Variants in KDM1A observed in about 807,000 individuals in gnomAD.
KDM1A encodes lysine-specific histone demethylase 1A.
A neutral mutation model predicts 109.4 loss-of-function variants in KDM1A; 49 were observed. That is an observed-to-expected ratio of 0.45 (90% CI 0.36 to 0.57). The LOEUF (loss-of-function observed/expected upper bound fraction) is 0.57, where lower values mean the gene tolerates loss of function less well. KDM1A is among the 20% of genes least tolerant of loss of function. KDM1A has a pLI of 0.00. For missense variants in KDM1A, 668 were observed against 1,116.6 expected (o/e 0.60, Z 5.73); for synonymous variants, 380 against 415.4 (o/e 0.91, Z 1.04).
intron 2 of KDM1A, among the ~76,000 whole-genome samples, chr1:23,038,254 TTG>T (rs56016343): frequency 0.086 from 12,870 of 149,182 alleles, 859 homozygotes; most frequent in Admixed American, 0.18. Context: ...CTGGAACTGT[TTG>T]TGTGTGTGTG....
At chr1:23,045,521 G>C (rs1050200577) in intron 3 of KDM1A, among the ~76,000 whole-genome samples, 2 of 152,200 alleles carry the variant, frequency 1.3e-5, no homozygotes, top group African/African-American at 4.8e-5. Context: ...ACCCTGTTCA[G>C]AGTCTAGATC....
intron 8 of KDM1A, among the ~76,000 whole-genome samples, chr1:23,058,860 ATC>A (rs1202323839): frequency 6.6e-6 from 1 of 152,082 alleles, no homozygotes; most frequent in Non-Finnish European, 1.5e-5. Flanking sequence ...ATCTAGAAGA[ATC>A]TGTAATGTTA....
intron 2 of KDM1A, among the ~76,000 whole-genome samples, chr1:23,039,483 A>T (rs186945902): frequency 6.6e-6 from 1 of 152,344 alleles, no homozygotes; most frequent in East Asian, 1.9e-4. Flanking sequence ...TTTAACTAAA[A>T]TAGCATTTGT....
chr1:23,028,731 C>T (rs775497652), intron 1 of KDM1A, among the ~76,000 whole-genome samples: 3 of 151,970 alleles, frequency 2.0e-5, no homozygotes, highest in East Asian at 1.9e-4. Flanking sequence ...CATTTTCATC[C>T]ATTATCCTGA....
intron 2 of KDM1A, among the ~76,000 whole-genome samples, chr1:23,041,418 T>A (rs1332518492): frequency 2.7e-5 from 4 of 150,030 alleles, no homozygotes; most frequent in Non-Finnish European, 4.4e-5. Flanking sequence ...AATAATACTT[T>A]TGAGTTTCTT....
At chr1:23,075,015 C>T (rs888561815) in intron 15 of KDM1A, among the ~76,000 whole-genome samples, 7 of 152,160 alleles carry the variant, frequency 4.6e-5, no homozygotes, top group African/African-American at 1.7e-4. Context: ...TCAATTTCTA[C>T]AAAAATCACC....
At chr1:23,031,876 C>T (rs1301504298) in intron 2 of KDM1A, among the ~76,000 whole-genome samples, 1 of 152,136 alleles carries the variant, frequency 6.6e-6, no homozygotes, top group African/African-American at 2.4e-5. Flanking sequence ...TGGGCAACTC[C>T]TTGTTTGAAG....
chr1:23,032,434 G>A (rs1289843094), intron 2 of KDM1A, among the ~76,000 whole-genome samples: 2 of 151,724 alleles, frequency 1.3e-5, no homozygotes, highest in African/African-American at 4.8e-5. Context: ...AAGGATTTAG[G>A]ATTTGGGAGC....
intron 4 of KDM1A, among the ~76,000 whole-genome samples, chr1:23,051,110 G>A (rs1642656749): frequency 6.6e-6 from 1 of 151,982 alleles, no homozygotes; most frequent in African/African-American, 2.4e-5. Context: ...AAACCTTTAA[G>A]CATTAAAAAA....
intron 1 of KDM1A, among the ~76,000 whole-genome samples, chr1:23,020,818 G>A (rs937326159): frequency 6.6e-6 from 1 of 152,150 alleles, no homozygotes; most frequent in Non-Finnish European, 1.5e-5. Context: ...GATGGAAGTG[G>A]AATGTAATTC....
At chr1:23,078,949 A>G (rs761748643) in intron 16 of KDM1A, 41 bp from the exon 17 acceptor site, 54 of 1,543,174 alleles carry the variant, frequency 3.5e-5, no homozygotes, top group Non-Finnish European at 4.5e-5. Context: ...TATCAGTGCC[A>G]TATTCATCAC....
At chr1:23,078,134 G>A (rs1229275215) in intron 16 of KDM1A, among the ~76,000 whole-genome samples, 1 of 152,180 alleles carries the variant, frequency 6.6e-6, no homozygotes, top group African/African-American at 2.4e-5. Flanking sequence ...TTTCCTTGGA[G>A]TTACTGAGAT....
At chr1:23,049,735 T>G (rs554300824) in intron 3 of KDM1A, among the ~76,000 whole-genome samples, 1 of 152,026 alleles carries the variant, frequency 6.6e-6, no homozygotes, top group Non-Finnish European at 1.5e-5. Context: ...GTATAGTGTA[T>G]GTATACACTA....
chr1:23,077,420 G>A, intron 16 of KDM1A, 60 bp downstream of exon 16: 1 of 1,541,900 alleles, frequency 6.5e-7, no homozygotes, highest in Non-Finnish European at 8.8e-7. Context: ...CTGATCTTTT[G>A]TTAGGTGCGA....
rs142213859 is a variant in KDM1A at position 23,022,742 on chromosome 1, T to C, written c.351+2795T>C. On this transcript the variant is annotated intron_variant, in intron 1 of 20. Transcript: ENST00000400181. ...GATGTGATCTCGGCTTACTACAGCCTCCTCCTCCTGGGTTCAAGCGATTCT... is the reference window on the plus strand; with the variant it reads ...GATGTGATCTCGGCTTACTACAGCCCCCTCCTCCTGGGTTCAAGCGATTCT... Among the ~76,000 whole-genome samples the C allele has an allele frequency of 1.4e-3, 183 of 132,020 alleles. 1 individual carries two copies. Among genetic ancestry groups the C allele is most frequent in the African/African-American group, 4.9e-3 (171 of 34,748 alleles). The allele number at this position is 132,020 out of a possible 152,430, so 86.6% of individuals were successfully genotyped here.
In KDM1A at chr1:23,069,134, A is replaced by G; in HGVS notation, c.1396A>G (p.Lys466Glu). 1 of 1,599,740 alleles carries G rather than the reference A, an allele frequency of 6.3e-7. No individual in the cohort carries two copies. The highest frequency in any genetic ancestry group is 8.6e-7 in the Non-Finnish European group (1 of 1,168,542). ...GATAGTGAAAACTCAGGAAGAATTG[A>G]AAGAACTTCTTAATAAGGTGAAATT... ...KKIVKTQEEL[K>E]ELLNKMVNLK... is the part of the protein sequence containing the mutation. The change falls in exon 12 of 21, where the codon AAA becomes GAA. Residue 466 changes from lysine (K) to glutamate (E), a missense_variant. Physicochemically the swap from Lys to Glu is moderately conservative, Grantham distance 56 (BLOSUM62 1). This residue lies in a region of KDM1A where 62 missense variants were observed against 82.8 expected (regional missense o/e 0.75). Transcript: ENST00000400181.
chr1:23,077,721 A>G (rs1409624617), intron 16 of KDM1A, among the ~76,000 whole-genome samples: 1 of 152,054 alleles, frequency 6.6e-6, no homozygotes, highest in East Asian at 1.9e-4. Context: ...GTGAGTTTGG[A>G]TCTAGTTTTG....
intron 2 of KDM1A, among the ~76,000 whole-genome samples, chr1:23,031,968 T>C (rs574311758): frequency 1.1e-4 from 16 of 152,330 alleles, no homozygotes; most frequent in Admixed American, 4.6e-4. Context: ...CACCTCTCGT[T>C]ATTCATTTTT....
At chr1:23,073,216 A>G (rs1643368437) in intron 14 of KDM1A, 76 bp from the exon 15 acceptor site, 1 of 777,738 alleles carries the variant, frequency 1.3e-6, no homozygotes, top group East Asian at 2.5e-5. Flanking sequence ...TGACACAGTT[A>G]CTGAGATCAC....
Sources: allele counts gnomAD v4.1 joint callset (sites outside exome capture counted in the v4.1 genomes callset), GRCh38; gene constraint gnomAD v4.1.1; regional missense constraint gnomAD v4.1.1; transcripts MANE v1.5; gene names NCBI Gene and HGNC (gene_info 2026-07-23, HGNC 2026-07-21).